The following BICDL1 variants were observed in gnomAD, a reference collection of about 807,000 sequenced individuals.
BICDL1 encodes the protein BICD family-like cargo adapter 1.
Under a neutral mutation model 76.8 loss-of-function variants are expected in BICDL1, and 20 were observed. That is an observed-to-expected ratio of 0.26 (90% CI 0.18 to 0.38). The LOEUF is 0.38. Ranked by LOEUF, BICDL1 falls within the 10% of genes least tolerant of loss-of-function variation. The pLI is 1.00. For synonymous variants in BICDL1, 383 were observed against 337.1 expected, an observed-to-expected ratio of 1.14 and a Z score of -1.49; for missense variants, 700 against 798.6, an observed-to-expected ratio of 0.88 and a Z score of 1.49.
In BICDL1 at chr12:119,989,277, C is replaced by T. The variant is rs991661459; in HGVS notation, c.-592C>T. Among the ~76,000 whole-genome samples, 1 of 149,240 alleles carries T rather than the reference C, an allele frequency of 6.7e-6. No individual in the cohort carries two copies. The highest frequency in any genetic ancestry group is 2.1e-4 in the South Asian group (1 of 4,812). Reference sequence around the variant, plus strand: ...GGTTGCGCGGCGCGCGATGTGGAGCCGCCGCCTCGGCCCCTGCAGCAGCAG... The same window carrying T: ...GGTTGCGCGGCGCGCGATGTGGAGCTGCCGCCTCGGCCCCTGCAGCAGCAG... On this transcript the variant is annotated 5_prime_UTR_variant, in exon 1 of 10. Transcript: ENST00000548673.
At chr12:120,013,206 C>G (rs1951988799) in intron 2 of BICDL1, among the ~76,000 whole-genome samples, 1 of 151,244 alleles carries the variant, frequency 6.6e-6, no homozygotes, top group African/African-American at 2.4e-5. Context: ...CCCAGCTACT[C>G]AGAAGGCTGA....
At chr12:120,003,080 C>T (rs1951788050) in intron 2 of BICDL1, among the ~76,000 whole-genome samples, 1 of 151,508 alleles carries the variant, frequency 6.6e-6, no homozygotes, top group African/African-American at 2.4e-5. Context: ...ATCGCTGGAA[C>T]CTGGGAGGCA....
At chr12:120,091,578 G>T in intron 9 of BICDL1, 2 of 984,930 alleles carry the variant, frequency 2.0e-6, no homozygotes, top group Non-Finnish European at 2.4e-6. Flanking sequence ...GTGGAAAAGG[G>T]GATGGAAGAG....
chr12:120,001,168 G>A (rs1194417583), intron 2 of BICDL1, among the ~76,000 whole-genome samples: 1 of 151,822 alleles, frequency 6.6e-6, no homozygotes, highest in Non-Finnish European at 1.5e-5. Context: ...GAGTATCCAG[G>A]AACTAGAGGA....
At chr12:120,087,360 T>TG (rs985192947) in intron 8 of BICDL1, among the ~76,000 whole-genome samples, 11 of 152,172 alleles carry the variant, frequency 7.2e-5, no homozygotes, top group African/African-American at 2.7e-4. Context: ...GGGGCGCACT[T>TG]GCGGTGTCGG....
At chr12:119,991,174 G>A (rs1164339446) in intron 1 of BICDL1, among the ~76,000 whole-genome samples, 1 of 152,144 alleles carries the variant, frequency 6.6e-6, no homozygotes, top group East Asian at 1.9e-4. Flanking sequence ...TGGGGAGAGG[G>A]AGTCACCTGT....
intron 8 of BICDL1, among the ~76,000 whole-genome samples, chr12:120,087,160 C>A (rs1874488896): frequency 6.6e-6 from 1 of 152,252 alleles, no homozygotes; most frequent in South Asian, 2.1e-4. Flanking sequence ...GCAACCGATG[C>A]CGCGTGAGGA....
chr12:120,075,860 A>G, intron 7 of BICDL1, among the ~76,000 whole-genome samples: 1 of 152,194 alleles, frequency 6.6e-6, no homozygotes, highest in Non-Finnish European at 1.5e-5. Context: ...CAAAGATGCC[A>G]TTTCAATCTG....
intron 2 of BICDL1, among the ~76,000 whole-genome samples, chr12:120,023,822 G>T (rs1566224375): frequency 6.6e-6 from 1 of 151,304 alleles, no homozygotes; most frequent in Non-Finnish European, 1.5e-5. Flanking sequence ...AAGATTCCCA[G>T]GTATGCAAAG....
rs1555277931 is a variant in BICDL1 at position 119,989,462 on chromosome 12, G to GGCAGCAGCAGCAGCGGCAGCA, written c.-393_-392insGGCAGCAGCAGCAGCAGCAGC. 6.8e-6 allele frequency among the ~76,000 whole-genome samples: 1 copy of GGCAGCAGCAGCAGCGGCAGCA among 146,968 alleles called. No individual in the cohort carries two copies. Among genetic ancestry groups the GGCAGCAGCAGCAGCGGCAGCA allele is most frequent in the South Asian group, 2.1e-4 (1 of 4,710 alleles). ...CGTGAGGCGCTGCCCGGCCGGCGGC[G>GGCAGCAGCAGCAGCGGCAGCA]GCAGCAGCAGCAGCAGCGGCAGCGG... On this transcript the variant is annotated 5_prime_UTR_variant, in exon 1 of 10. Transcript: ENST00000548673.
chr12:120,047,429 A>T (rs1952770477), intron 2 of BICDL1, among the ~76,000 whole-genome samples: 1 of 152,208 alleles, frequency 6.6e-6, no homozygotes, highest in South Asian at 2.1e-4. Flanking sequence ...TTGTATCTTT[A>T]CGGGCCTAAC....
At position 120,092,981 on chromosome 12, in the gene BICDL1, T is replaced by C; in HGVS notation, c.1705-19T>C. On this transcript the variant is annotated intron_variant, in intron 9 of 9. Transcript: ENST00000548673. ...AGAGCAGCTACTCAGTCCTGGCCAC[T>C]GTCCCCTCCCCTCTGCAGGATGACA... 6.5e-7 allele frequency: 1 copy of C among 1,536,466 alleles called. No homozygotes were observed. Among genetic ancestry groups the C allele is most frequent in the Non-Finnish European group, 8.8e-7 (1 of 1,140,346 alleles).
chr12:120,022,438 A>G (rs1952203249), intron 2 of BICDL1, among the ~76,000 whole-genome samples: 1 of 146,926 alleles, frequency 6.8e-6, no homozygotes, highest in East Asian at 1.9e-4. Flanking sequence ...TATATTATAT[A>G]TAATATATGT....
At chr12:120,077,661 G>C (rs1183602112) in intron 7 of BICDL1, among the ~76,000 whole-genome samples, 1 of 152,144 alleles carries the variant, frequency 6.6e-6, no homozygotes, top group African/African-American at 2.4e-5. Context: ...CCAAATCTGG[G>C]TGCCTCTCCT....
At chr12:120,070,230 T>C (rs572309984) in intron 4 of BICDL1, among the ~76,000 whole-genome samples, 2 of 152,230 alleles carry the variant, frequency 1.3e-5, no homozygotes, top group African/African-American at 4.8e-5. Flanking sequence ...CATTTTCTAC[T>C]CCCACCAGCA....
chr12:120,076,678 A>T (rs556601468), intron 7 of BICDL1, among the ~76,000 whole-genome samples: 1 of 152,282 alleles, frequency 6.6e-6, no homozygotes, highest in Non-Finnish European at 1.5e-5. Context: ...CGGGGTATAG[A>T]ATTGGACTTC....
rs1047753737 is a variant in BICDL1, at chr12:120,071,394, G to A, written c.910-228G>A. ...TGACCTTAGGTGATCTGCCCGCCTC[G>A]GCCTCCCAAAGTGCTGGGATTACAG... On this transcript the variant is annotated intron_variant, in intron 4 of 9. Coordinates refer to ENST00000548673, the MANE Select transcript of BICDL1 (RefSeq NM_001367886.1). The surrounding 1 kb of genome is among the most constrained non-coding windows in gnomAD (Gnocchi z 4.8). Among the ~76,000 whole-genome samples the A allele has an allele frequency of 6.6e-6, 1 of 151,988 alleles. No individual in the cohort carries two copies. The highest frequency in any genetic ancestry group is 6.6e-5 in the Admixed American group (1 of 15,240).
At chr12:120,073,974 C>T (rs1450059247) in intron 6 of BICDL1, among the ~76,000 whole-genome samples, 1 of 152,172 alleles carries the variant, frequency 6.6e-6, no homozygotes, top group Non-Finnish European at 1.5e-5. Context: ...GGCTGGAGTG[C>T]TGTGGCGCCA....
At chr12:120,052,669 T>A (rs1430823311) in intron 2 of BICDL1, among the ~76,000 whole-genome samples, 1 of 152,230 alleles carries the variant, frequency 6.6e-6, no homozygotes, top group African/African-American at 2.4e-5. Context: ...ACTTTGAGGA[T>A]ATGAAAATAT....
Sources: allele counts gnomAD v4.1 joint callset (sites outside exome capture counted in the v4.1 genomes callset), GRCh38; gene constraint gnomAD v4.1.1; non-coding constraint Gnocchi (gnomAD v3.1); transcripts MANE v1.5; gene names NCBI Gene and HGNC (gene_info 2026-07-23, HGNC 2026-07-21).